MGAT4C: variants seen among roughly 807,000 people sequenced by gnomAD.
The protein encoded by MGAT4C is MGAT4 family member C, also known as alpha-1,3-mannosyl-glycoprotein 4-beta-N-acetylglucosaminyltransferase C.
In MGAT4C, 19 loss-of-function variants were observed where a neutral mutation model predicts 40.1. The ratio of observed to expected loss-of-function variants is 0.47; its 90% CI spans 0.33 to 0.70. The LOEUF (loss-of-function observed/expected upper bound fraction) is 0.70, where lower values mean the gene tolerates loss of function less well. Ranked by LOEUF, MGAT4C falls within the 30% of genes least tolerant of loss-of-function variation. The pLI, the probability that MGAT4C is intolerant of heterozygous loss-of-function variation, is 0.02. For synonymous variants in MGAT4C, 181 were observed against 187.1 expected (o/e 0.97, Z 0.27); for missense variants, 491 against 563.2 (o/e 0.87, Z 1.30).
At chr12:86,339,952 G>C (rs559753050) in intron 3 of MGAT4C, among the ~76,000 whole-genome samples, 1 of 152,124 alleles carries the variant, frequency 6.6e-6, no homozygotes, top group Admixed American at 6.6e-5. Context: ...AAATCTTCTG[G>C]GGACAAAGCC....
intron 3 of MGAT4C, among the ~76,000 whole-genome samples, chr12:86,344,936 A>G (rs1025926825): frequency 6.6e-6 from 1 of 152,172 alleles, no homozygotes; most frequent in Non-Finnish European, 1.5e-5. Context: ...GTACAGGTAA[A>G]TACATTGCTG....
At chr12:86,567,444 C>T (rs1305610143) in intron 2 of MGAT4C, among the ~76,000 whole-genome samples, 1 of 152,104 alleles carries the variant, frequency 6.6e-6, no homozygotes, top group Non-Finnish European at 1.5e-5. Context: ...GGATGACTGA[C>T]CTGGATTATC....
intron 2 of MGAT4C, among the ~76,000 whole-genome samples, chr12:86,564,953 C>T (rs1405483224): frequency 6.6e-6 from 1 of 152,154 alleles, no homozygotes; most frequent in Non-Finnish European, 1.5e-5. Context: ...TGTTTGTAGC[C>T]TTTGGCAGGC....
intron 4 of MGAT4C, among the ~76,000 whole-genome samples, chr12:86,325,381 G>A (rs985612692): frequency 1.3e-5 from 2 of 151,936 alleles, no homozygotes; most frequent in African/African-American, 2.4e-5. Context: ...ACACTATGTA[G>A]AGTGAAAAAC....
At chr12:86,074,679 T>C (rs1869323392) in intron 1 of MGAT4C, among the ~76,000 whole-genome samples, 1 of 151,774 alleles carries the variant, frequency 6.6e-6, no homozygotes, top group Admixed American at 6.6e-5. Context: ...GAAAAAGAGG[T>C]TTAATGCACT....
intron 1 of MGAT4C, among the ~76,000 whole-genome samples, chr12:86,202,850 T>C (rs1304398846): frequency 6.6e-6 from 1 of 152,142 alleles, no homozygotes; most frequent in Non-Finnish European, 1.5e-5. Context: ...ATTTCATTCT[T>C]TTGCAATTTC....
intron 2 of MGAT4C, among the ~76,000 whole-genome samples, chr12:86,634,343 A>G (rs547646799): frequency 7.9e-5 from 12 of 152,256 alleles, no homozygotes; most frequent in Middle Eastern, 3.4e-3. Flanking sequence ...CAGTTACCAC[A>G]TTTAGAATAA....
chr12:86,608,018 T>A (rs184967930), intron 2 of MGAT4C, among the ~76,000 whole-genome samples: 8 of 152,238 alleles, frequency 5.3e-5, no homozygotes, highest in Non-Finnish European at 4.4e-5. Context: ...AACATCAATA[T>A]TTTAATGTGC....
intron 2 of MGAT4C, among the ~76,000 whole-genome samples, chr12:86,476,848 T>C (rs1957843547): frequency 6.6e-6 from 1 of 152,116 alleles, no homozygotes; most frequent in African/African-American, 2.4e-5. Context: ...ATATAGCATG[T>C]TCTCACATGT....
intron 1 of MGAT4C, among the ~76,000 whole-genome samples, chr12:86,163,966 G>A (rs147463325): frequency 2.8e-4 from 43 of 152,282 alleles, no homozygotes; most frequent in African/African-American, 1.0e-3. Context: ...TAGCAAATTT[G>A]TAGTTTTATA....
At chr12:86,080,702 G>T (rs1173963404) in intron 1 of MGAT4C, among the ~76,000 whole-genome samples, 1 of 152,048 alleles carries the variant, frequency 6.6e-6, no homozygotes, top group Non-Finnish European at 1.5e-5. Flanking sequence ...GATGTTTGGA[G>T]TTATGTATTC....
chr12:86,408,465 CTCTCTCTCTCTCTCTATA>C (rs1200086274), intron 3 of MGAT4C, among the ~76,000 whole-genome samples: 4 of 106,678 alleles, frequency 3.7e-5, no homozygotes, highest in South Asian at 3.3e-4. Context: ...CTCTCTCTCT[CTCTCTCTCTCTCTCTATA>C]TATATATATA....
intron 2 of MGAT4C, among the ~76,000 whole-genome samples, chr12:86,009,051 A>G (rs1054247309): frequency 2.6e-5 from 4 of 151,878 alleles, no homozygotes; most frequent in African/African-American, 9.7e-5. Flanking sequence ...TTATTTTCCA[A>G]TATTGTTGTC....
intron 3 of MGAT4C, among the ~76,000 whole-genome samples, chr12:86,348,877 TA>T (rs1043120730): frequency 1.6e-4 from 24 of 152,112 alleles, no homozygotes; most frequent in African/African-American, 5.8e-4. Context: ...TCTGGGAAAT[TA>T]AAATTGCTCT....
intron 4 of MGAT4C, among the ~76,000 whole-genome samples, chr12:86,315,912 A>G (rs898456472): frequency 1.3e-5 from 2 of 151,958 alleles, no homozygotes; most frequent in Admixed American, 1.3e-4. Flanking sequence ...GTACACAGAT[A>G]ATGTAAAGAA....
chr12:86,417,348 C>T (rs1285621533), intron 3 of MGAT4C, among the ~76,000 whole-genome samples: 1 of 152,004 alleles, frequency 6.6e-6, no homozygotes, highest in Non-Finnish European at 1.5e-5. Flanking sequence ...TTTCAATAAT[C>T]TTTAAGGCTA....
chr12:86,759,565 A>G (rs1313440948), intron 1 of MGAT4C, among the ~76,000 whole-genome samples: 1 of 152,062 alleles, frequency 6.6e-6, no homozygotes, highest in East Asian at 1.9e-4. Flanking sequence ...TTATTTTTGA[A>G]TAGTAGCTAT....
chr12:86,249,187 A>G (rs893165747), intron 1 of MGAT4C, among the ~76,000 whole-genome samples: 2 of 152,108 alleles, frequency 1.3e-5, no homozygotes, highest in Non-Finnish European at 2.9e-5. Context: ...TACACTTCCT[A>G]TCCCTAGTTC....
chr12:86,219,734 T>C (rs1371676753), intron 1 of MGAT4C, among the ~76,000 whole-genome samples: 1 of 152,142 alleles, frequency 6.6e-6, no homozygotes, highest in African/African-American at 2.4e-5. Flanking sequence ...ATTTCTTTGG[T>C]CAAAGGTATT....
Sources: allele counts gnomAD v4.1 joint callset (sites outside exome capture counted in the v4.1 genomes callset), GRCh38; gene constraint gnomAD v4.1.1; transcripts MANE v1.5; gene names NCBI Gene and HGNC (gene_info 2026-07-23, HGNC 2026-07-21).